CCDC30: variants seen among roughly 807,000 people sequenced by gnomAD.
CCDC30 encodes the protein coiled-coil domain-containing protein 30.
In CCDC30, 70 loss-of-function variants were observed where a neutral mutation model predicts 100.2. That is an observed-to-expected ratio of 0.70 (90% CI 0.58 to 0.85). The LOEUF is 0.85. Ranked by LOEUF, CCDC30 falls within the 40% of genes least tolerant of loss-of-function variation. The pLI is 0.00. For synonymous variants in CCDC30, 233 were observed against 269.5 expected, an observed-to-expected ratio of 0.86 and a Z score of 1.33; for missense variants, 652 against 771.2, an observed-to-expected ratio of 0.85 and a Z score of 1.83.
chr1:42,486,760 C>A (rs531753610), intron 3 of CCDC30, among the ~76,000 whole-genome samples: 1 of 152,248 alleles, frequency 6.6e-6, no homozygotes, highest in South Asian at 2.1e-4. Context: ...TGTGAGTCCT[C>A]TTAGCACATC....
intron 6 of CCDC30, among the ~76,000 whole-genome samples, chr1:42,560,464 G>A (rs1306286820): frequency 6.6e-6 from 1 of 152,014 alleles, no homozygotes; most frequent in Non-Finnish European, 1.5e-5. Flanking sequence ...CTGCCTCCTG[G>A]GTTCAAGTGA....
At chr1:42,619,631 C>T (rs184077670) in intron 11 of CCDC30, among the ~76,000 whole-genome samples, 7 of 152,184 alleles carry the variant, frequency 4.6e-5, no homozygotes, top group East Asian at 1.9e-4. Context: ...TAGATGAAAC[C>T]TCACAGGTAT....
At chr1:42,595,693 G>T (rs1646273302) in intron 10 of CCDC30, 1 of 152,174 alleles carries the variant, frequency 6.6e-6, no homozygotes, top group Admixed American at 6.5e-5. Flanking sequence ...TTGCTTGCTG[G>T]TTCTCCCAGG....
chr1:42,602,467 A>G lies in CCDC30; in HGVS notation c.1165-8511A>G, dbSNP rs1016735433. Among the ~76,000 whole-genome samples the G allele has an allele frequency of 2.6e-5, 4 of 152,326 alleles. No individual in the cohort carries two copies. The East Asian group carries it at 7.7e-4, about 29-fold the overall frequency. The stretch of plus-strand genomic sequence containing the variant: ...AATAACAGAAATGAAAAGAGGGAAC[A>G]TTACTACAGATGCCACGAACATTAG... On this transcript the variant is annotated intron_variant, in intron 10 of 16. Transcript: ENST00000668663.
chr1:42,599,711 G>A (rs1011988816), intron 10 of CCDC30, among the ~76,000 whole-genome samples: 1 of 152,182 alleles, frequency 6.6e-6, no homozygotes, highest in African/African-American at 2.4e-5. Context: ...TAAATGGATG[G>A]AGAAGGATGT....
chr1:42,476,612 C>G (rs1002710562), intron 1 of CCDC30, among the ~76,000 whole-genome samples: 1 of 151,722 alleles, frequency 6.6e-6, no homozygotes, highest in Non-Finnish European at 1.5e-5. Flanking sequence ...ATTGCTTGAA[C>G]CTGGGAGGCA....
At chr1:42,536,546 A>G (rs1644908684) in intron 6 of CCDC30, 2 of 1,613,024 alleles carry the variant, frequency 1.2e-6, no homozygotes, top group East Asian at 2.2e-5. Flanking sequence ...GAGAGAGAGA[A>G]GCAGTTGGCA....
intron 6 of CCDC30, among the ~76,000 whole-genome samples, chr1:42,557,221 A>AT (rs1031871699): frequency 2.6e-5 from 4 of 152,238 alleles, no homozygotes; most frequent in Admixed American, 2.6e-4. Context: ...GAAGTTAAAA[A>AT]ATATATTTGA....
At chr1:42,484,232 TG>T (rs1644014166) in intron 3 of CCDC30, among the ~76,000 whole-genome samples, 1 of 152,158 alleles carries the variant, frequency 6.6e-6, no homozygotes, top group African/African-American at 2.4e-5. Flanking sequence ...ATATCCCATG[TG>T]GGTTGGTGGG....
chr1:42,634,249 C>CAAAAAAAA (rs754829759), intron 11 of CCDC30, among the ~76,000 whole-genome samples: 10 of 115,306 alleles, frequency 8.7e-5, no homozygotes, highest in Non-Finnish European at 1.3e-4. Flanking sequence ...AAGACTGTCT[C>CAAAAAAAA]AAAAAAAAAA....
chr1:42,532,210 T>G (rs189107159), intron 6 of CCDC30, among the ~76,000 whole-genome samples: 442 of 152,316 alleles, frequency 2.9e-3, no homozygotes, highest in South Asian at 5.8e-3. Flanking sequence ...GTTTCATAAA[T>G]AGAAAGCTGT....
intron 6 of CCDC30, among the ~76,000 whole-genome samples, chr1:42,517,801 G>T (rs977878402): frequency 3.3e-5 from 5 of 152,080 alleles, no homozygotes; most frequent in African/African-American, 9.7e-5. Context: ...GTTTGTTTCT[G>T]GGATGTCTAT....
At chr1:42,639,160 T>C (rs1456501312) in intron 12 of CCDC30, among the ~76,000 whole-genome samples, 1 of 152,118 alleles carries the variant, frequency 6.6e-6, no homozygotes, top group Non-Finnish European at 1.5e-5. Context: ...CAGATACAAT[T>C]AGTTAAGTGA....
intron 4 of CCDC30, among the ~76,000 whole-genome samples, chr1:42,490,819 C>T (rs1211022344): frequency 6.6e-6 from 1 of 152,114 alleles, no homozygotes; most frequent in Admixed American, 6.6e-5. Context: ...CTTTATATGT[C>T]TGACTCCCAA....
At chr1:42,496,669 G>T (rs1289116697) in intron 4 of CCDC30, among the ~76,000 whole-genome samples, 1 of 152,134 alleles carries the variant, frequency 6.6e-6, no homozygotes, top group Non-Finnish European at 1.5e-5. Flanking sequence ...TAAAGCTACA[G>T]CATGGAATTG....
At chr1:42,544,044 A>G (rs1412887526) in intron 6 of CCDC30, among the ~76,000 whole-genome samples, 1 of 151,968 alleles carries the variant, frequency 6.6e-6, no homozygotes, top group Non-Finnish European at 1.5e-5. Flanking sequence ...CTTATTTTTT[A>G]TTCCATTCTA....
intron 10 of CCDC30, among the ~76,000 whole-genome samples, chr1:42,601,114 T>A (rs1646397566): frequency 6.6e-6 from 1 of 152,062 alleles, no homozygotes; most frequent in South Asian, 2.1e-4. Flanking sequence ...GCTGGAAAAC[T>A]CCCAAATACT....
chr1:42,536,948 ATATCCTCATTTGACC>A (rs1644916885), intron 6 of CCDC30: 30 of 360,962 alleles, frequency 8.3e-5, no homozygotes, highest in South Asian at 7.0e-4. Flanking sequence ...CCCCACCCTT[ATATCCTCATTTGACC>A]TTTATCACCT....
At chr1:42,611,497 T>C (rs1646622717) in intron 11 of CCDC30, among the ~76,000 whole-genome samples, 1 of 151,960 alleles carries the variant, frequency 6.6e-6, no homozygotes, top group Non-Finnish European at 1.5e-5. Context: ...ATTATATAGA[T>C]GTTATATATA....
Sources: gnomAD v4.1 joint callset for allele counts (sites outside exome capture counted in the v4.1 genomes callset) on GRCh38, gnomAD v4.1.1 for gene constraint, MANE v1.5 for transcripts, NCBI Gene and HGNC (gene_info 2026-07-23, HGNC 2026-07-21) for gene names.